The following TXLNB variants were observed in gnomAD, a reference collection of about 807,000 sequenced individuals.
TXLNB encodes taxilin beta, also known as beta-taxilin.
In TXLNB, 37 loss-of-function variants were observed where a neutral mutation model predicts 57.4. That is an observed-to-expected ratio of 0.64 (90% CI 0.50 to 0.85). TXLNB has a LOEUF of 0.85. TXLNB is among the 40% of genes least tolerant of loss of function. TXLNB has a pLI of 0.00. For missense variants in TXLNB, 848 were observed against 825.6 expected, an observed-to-expected ratio of 1.03 and a Z score of -0.33; for synonymous variants, 302 against 309.6, an observed-to-expected ratio of 0.98 and a Z score of 0.26.
At chr6:139,316,385 G>A in the TXLNB span, among the ~76,000 whole-genome samples, 1 of 152,144 alleles carries the variant, frequency 6.6e-6, no homozygotes, top group African/African-American at 2.4e-5. Flanking sequence ...GATCACCCTG[G>A]CCTGTCTTCA....
the TXLNB span, among the ~76,000 whole-genome samples, chr6:139,219,476 T>G: frequency 6.6e-6 from 1 of 152,196 alleles, no homozygotes; most frequent in Non-Finnish European, 1.5e-5. Context: ...AAAGCAGCCT[T>G]TCTGGGCAAG....
chr6:139,160,231 C>T, the TXLNB span, among the ~76,000 whole-genome samples: 11 of 152,056 alleles, frequency 7.2e-5, no homozygotes, highest in Non-Finnish European at 1.0e-4. Flanking sequence ...AAAATACAGG[C>T]CTTGGAAGGT....
chr6:139,167,173 G>A, the TXLNB span: 11 of 1,614,058 alleles, frequency 6.8e-6, no homozygotes, highest in South Asian at 6.6e-5. Context: ...TTCTGGCCGC[G>A]CTCAGTGCCA....
At chr6:139,279,918 C>A (rs1398365639) in intron 2 of TXLNB, among the ~76,000 whole-genome samples, 1 of 152,162 alleles carries the variant, frequency 6.6e-6, no homozygotes, top group Non-Finnish European at 1.5e-5. Flanking sequence ...AGCGCTGTTG[C>A]ATAAGGCTGT....
chr6:139,181,689 A>C, the TXLNB span, among the ~76,000 whole-genome samples: 2 of 152,326 alleles, frequency 1.3e-5, no homozygotes, highest in East Asian at 3.9e-4. Flanking sequence ...CTTGGAAAGG[A>C]TCCCCTAAGG....
the TXLNB span, among the ~76,000 whole-genome samples, chr6:139,206,520 T>A: frequency 6.6e-6 from 1 of 151,886 alleles, no homozygotes; most frequent in Non-Finnish European, 1.5e-5. Flanking sequence ...CACAAAAAAT[T>A]AGCCAGGCGT....
chr6:139,254,214 A>G (rs1376886949), intron 7 of TXLNB, among the ~76,000 whole-genome samples: 1 of 152,186 alleles, frequency 6.6e-6, no homozygotes, highest in Non-Finnish European at 1.5e-5. Flanking sequence ...TACTTTAAGA[A>G]GGCTAGATAT....
chr6:139,242,389 G>T lies in TXLNB; in HGVS notation c.*137C>A. 1.6e-6 allele frequency: 1 copy of T among 639,316 alleles called. No individual in the cohort carries two copies. Among genetic ancestry groups the T allele is most frequent in the Non-Finnish European group, 2.3e-6 (1 of 428,914 alleles). 39.6% of individuals were successfully genotyped at this position (639,316 alleles called of 1,614,324 possible). A position where few individuals can be genotyped will look rare whatever the true frequency, so the allele number is the denominator to read the frequency against. On this transcript the variant is annotated 3_prime_UTR_variant, in exon 10 of 10. Coordinates refer to ENST00000358430, the MANE Select transcript of TXLNB (RefSeq NM_153235.4). ...AGCAAAGTCTGAATGAATGTGTTCTGCCTAACATTAAAAAATGTCTTGATC... is the reference window on the plus strand; with the variant it reads ...AGCAAAGTCTGAATGAATGTGTTCTTCCTAACATTAAAAAATGTCTTGATC...
the TXLNB span, among the ~76,000 whole-genome samples, chr6:139,193,241 C>CTTTTTTTTTTTTTTTTTTTTTTT: frequency 2.0e-5 from 2 of 101,210 alleles, no homozygotes; most frequent in African/African-American, 3.8e-5. Flanking sequence ...CTTTGACCCT[C>CTTTTTTTTTTTTTTTTTTTTTTT]TTTTTTTTTT....
chr6:139,260,451 A>G lies in TXLNB; in HGVS notation c.883-14T>C, dbSNP rs761784404. 1.9e-6 allele frequency: 3 copies of G among 1,611,988 alleles called. No individual in the cohort carries two copies. The highest frequency in any genetic ancestry group is 3.4e-5 in the Admixed American group (2 of 59,376). On this transcript the variant is annotated splice_polypyrimidine_tract_variant and intron_variant, in intron 5 of 9. Coordinates refer to ENST00000358430, the MANE Select transcript of TXLNB (RefSeq NM_153235.4). ...TTTGTCCAGATGCTAAGAAAAATAA[A>G]GTGTACATAGAAAGCTTGGTTTATT...
the TXLNB span, among the ~76,000 whole-genome samples, chr6:139,323,313 C>T: frequency 1.4e-4 from 21 of 146,330 alleles, no homozygotes; most frequent in African/African-American, 3.6e-4. Context: ...AACGGAGTCT[C>T]GCTCTGTCGC....
chr6:139,238,552 G>A (rs950597486), downstream of TXLNB, among the ~76,000 whole-genome samples: 1 of 152,180 alleles, frequency 6.6e-6, no homozygotes, highest in Non-Finnish European at 1.5e-5. Flanking sequence ...CTTTTATCAA[G>A]AGAAACCACC....
the TXLNB span, among the ~76,000 whole-genome samples, chr6:139,309,980 G>A: frequency 5.3e-5 from 8 of 152,112 alleles, no homozygotes; most frequent in Non-Finnish European, 7.3e-5. Flanking sequence ...AAGTTAACTC[G>A]AAACAGATAA....
the TXLNB span, among the ~76,000 whole-genome samples, chr6:139,215,618 T>A: frequency 1.3e-5 from 2 of 152,190 alleles, no homozygotes; most frequent in East Asian, 1.9e-4. Flanking sequence ...AAGCCAAAAT[T>A]GACAAATGGG....
chr6:139,233,438 G>T, the TXLNB span, among the ~76,000 whole-genome samples: 2 of 139,886 alleles, frequency 1.4e-5, no homozygotes, highest in Non-Finnish European at 3.0e-5. Context: ...AATATAGATA[G>T]ATAGATAGAT....
the TXLNB span, among the ~76,000 whole-genome samples, chr6:139,173,018 G>C: frequency 6.6e-6 from 1 of 152,150 alleles, no homozygotes; most frequent in Admixed American, 6.5e-5. Context: ...TCTGTACCTG[G>C]GAATGTTTGG....
chr6:139,257,790 T>C (rs1776382275), intron 6 of TXLNB, among the ~76,000 whole-genome samples: 1 of 152,204 alleles, frequency 6.6e-6, no homozygotes, highest in Admixed American at 6.5e-5. Flanking sequence ...ATAAAATCAT[T>C]ACTTTTAAAA....
the TXLNB span, among the ~76,000 whole-genome samples, chr6:139,200,389 G>A: frequency 6.6e-6 from 1 of 152,192 alleles, no homozygotes; most frequent in African/African-American, 2.4e-5. Flanking sequence ...AGTACCCATA[G>A]GGTGAGAGAA....
the TXLNB span, among the ~76,000 whole-genome samples, chr6:139,206,660 T>G: frequency 6.9e-6 from 1 of 144,902 alleles, no homozygotes; most frequent in East Asian, 2.0e-4. Flanking sequence ...GGCGACAGAG[T>G]GAGACTCCAT....
Sources: allele counts gnomAD v4.1 joint callset (sites outside exome capture counted in the v4.1 genomes callset), GRCh38; gene constraint gnomAD v4.1.1; transcripts MANE v1.5; gene names NCBI Gene and HGNC (gene_info 2026-07-23, HGNC 2026-07-21).